MB21D2: variants seen among roughly 807,000 people sequenced by gnomAD.
MB21D2 encodes nucleotidyltransferase MB21D2.
MB21D2 carries 9 observed loss-of-function variants against 33.3 expected under a neutral mutation model. The ratio of observed to expected loss-of-function variants is 0.27; its 90% CI spans 0.16 to 0.47. The LOEUF is 0.47. MB21D2 is among the 20% of genes least tolerant of loss of function. The probability of loss-of-function intolerance (pLI) is 0.99; values close to 1 mark genes in which losing one functional copy is unlikely to be tolerated. For missense variants in MB21D2, 540 were observed against 624.6 expected (o/e 0.86, Z 1.44); for synonymous variants, 241 against 236.3 (o/e 1.02, Z -0.18).
chr3:192,905,070 A>G (rs1168470127), intron 1 of MB21D2, among the ~76,000 whole-genome samples: 1 of 152,198 alleles, frequency 6.6e-6, no homozygotes, highest in Non-Finnish European at 1.5e-5. Flanking sequence ...ATTAATCACA[A>G]CACAATCCGC....
chr3:192,862,373 G>A (rs1405256671), intron 1 of MB21D2, among the ~76,000 whole-genome samples: 5 of 152,138 alleles, frequency 3.3e-5, no homozygotes, highest in Non-Finnish European at 7.4e-5. Flanking sequence ...ATGTTCATTC[G>A]AATTGTAGAA....
rs367797905 is a variant in MB21D2, at chr3:192,798,669, C to T, written c.1193G>A (p.Arg398Gln). 4.2e-5 allele frequency: 67 copies of T among 1,613,360 alleles called. No individual in the cohort carries two copies. Among genetic ancestry groups the T allele is most frequent in the African/African-American group, 1.2e-4 (9 of 75,056 alleles). ...GTCTGAGCGCACAGAGGACAGCTTC[C>T]GGGCGTGAAGCATGACTGTCTCCTC... ...LSEETVMLHA[R>Q]KLSSVRSDPA... The change falls in exon 2 of 2, where the codon CGG becomes CAG. Residue 398 changes from arginine to glutamine, a missense_variant. Arg to Gln is a conservative substitution (Grantham distance 43). Coordinates refer to ENST00000392452, the MANE Select transcript of MB21D2 (RefSeq NM_178496.4). This position sits in a 1 kb window ranked among gnomAD's most constrained non-coding sequence, Gnocchi z 4.8.
chr3:192,860,058 A>G (rs1439915189), intron 1 of MB21D2, among the ~76,000 whole-genome samples: 1 of 152,236 alleles, frequency 6.6e-6, no homozygotes, highest in Non-Finnish European at 1.5e-5. Context: ...GTGTCCCCAA[A>G]ATTACAGGCC....
At chr3:192,886,730 C>G (rs186782141) in intron 1 of MB21D2, among the ~76,000 whole-genome samples, 7 of 152,188 alleles carry the variant, frequency 4.6e-5, no homozygotes, top group Admixed American at 3.3e-4. Flanking sequence ...CTAACCCTTA[C>G]GTTTTTGAAT....
At chr3:192,899,164 A>C (rs1002764112) in intron 1 of MB21D2, among the ~76,000 whole-genome samples, 2 of 152,216 alleles carry the variant, frequency 1.3e-5, no homozygotes, top group Admixed American at 1.3e-4. Context: ...GTAAAACGGA[A>C]GTGGTTATAG....
chr3:192,870,589 G>A (rs983094006), intron 1 of MB21D2, among the ~76,000 whole-genome samples: 1 of 151,632 alleles, frequency 6.6e-6, no homozygotes, highest in African/African-American at 2.4e-5. Context: ...GGACATGGTG[G>A]TGCAAGCCTG....
At chr3:192,849,497 T>C (rs1560238628) in intron 1 of MB21D2, among the ~76,000 whole-genome samples, 1 of 152,098 alleles carries the variant, frequency 6.6e-6, no homozygotes, top group Non-Finnish European at 1.5e-5. Flanking sequence ...TTTGTATTTT[T>C]AGTAGAGACA....
intron 1 of MB21D2, among the ~76,000 whole-genome samples, chr3:192,827,045 C>A (rs757194221): frequency 1.3e-5 from 2 of 152,070 alleles, no homozygotes; most frequent in Non-Finnish European, 2.9e-5. Context: ...TAGGTGCCCA[C>A]CACCACGTCC....
chr3:192,880,254 G>A (rs977507230), intron 1 of MB21D2, among the ~76,000 whole-genome samples: 3 of 151,996 alleles, frequency 2.0e-5, no homozygotes, highest in African/African-American at 7.3e-5. Context: ...GGCTGAGGCA[G>A]GAGAATCGCT....
chr3:192,857,013 G>C (rs1030103222), intron 1 of MB21D2, among the ~76,000 whole-genome samples: 7 of 152,002 alleles, frequency 4.6e-5, no homozygotes, highest in African/African-American at 1.7e-4. Context: ...ACATACTACA[G>C]CCAGCAAACA....
chr3:192,813,370 A>G (rs1420850760), intron 1 of MB21D2, among the ~76,000 whole-genome samples: 2 of 151,958 alleles, frequency 1.3e-5, no homozygotes, highest in African/African-American at 4.8e-5. Context: ...GTCAGAGGAA[A>G]CAGTCTTTGA....
chr3:192,865,945 T>TGAGGCGGGAGGATTGCTG (rs1440343412), intron 1 of MB21D2, among the ~76,000 whole-genome samples: 1 of 151,878 alleles, frequency 6.6e-6, no homozygotes, highest in Admixed American at 6.6e-5. Flanking sequence ...CTCTGGAAGC[T>TGAGGCGGGAGGATTGCTG]GAGGCGGGAG....
intron 1 of MB21D2, among the ~76,000 whole-genome samples, chr3:192,873,401 G>C (rs1211232830): frequency 1.3e-5 from 2 of 152,148 alleles, no homozygotes; most frequent in African/African-American, 2.4e-5. Flanking sequence ...AGGGTAAAGG[G>C]GATGAGGCTT....
At chr3:192,870,736 G>A (rs1005470140) in intron 1 of MB21D2, among the ~76,000 whole-genome samples, 2 of 139,106 alleles carry the variant, frequency 1.4e-5, no homozygotes, top group African/African-American at 5.8e-5. Context: ...AGAGAAGAAG[G>A]AAGGAAGGAA....
chr3:192,832,262 G>C (rs934293352), intron 1 of MB21D2, among the ~76,000 whole-genome samples: 2 of 152,098 alleles, frequency 1.3e-5, no homozygotes, highest in Non-Finnish European at 2.9e-5. Context: ...CACACTTACT[G>C]ATATTTTTTC....
intron 1 of MB21D2, among the ~76,000 whole-genome samples, chr3:192,860,802 CCA>C (rs1560241993): frequency 6.6e-6 from 1 of 152,178 alleles, no homozygotes; most frequent in African/African-American, 2.4e-5. Context: ...TGAAATAAAT[CCA>C]TAGACACCAC....
intron 1 of MB21D2, among the ~76,000 whole-genome samples, chr3:192,850,380 T>C (rs1712772671): frequency 6.6e-6 from 1 of 152,168 alleles, no homozygotes; most frequent in South Asian, 2.1e-4. Flanking sequence ...ACAGACTGTA[T>C]ACCTCTCAAG....
chr3:192,827,143 G>A (rs1223167853), intron 1 of MB21D2, among the ~76,000 whole-genome samples: 11 of 152,096 alleles, frequency 7.2e-5, no homozygotes, highest in East Asian at 1.9e-4. Context: ...TGATCCACCC[G>A]CCTCGGCCTC....
chr3:192,797,275 C>A lies in MB21D2; in HGVS notation c.*1111G>T, dbSNP rs968266113. On this transcript the variant is annotated 3_prime_UTR_variant, in exon 2 of 2. Transcript: ENST00000392452. ...ATTTGGGGATTATAAGTTCTTCCTG[C>A]CAGTTTTTCTCAAAACTCTCAGGAA... 1 of 152,574 alleles carries A rather than the reference C, an allele frequency of 6.6e-6. No individual in the cohort carries two copies. The highest frequency in any genetic ancestry group is 2.4e-5 in the African/African-American group (1 of 41,436). 9.5% of individuals were successfully genotyped at this position (152,574 alleles called of 1,614,324 possible). A position where few individuals can be genotyped will look rare whatever the true frequency, so the allele number is the denominator to read the frequency against.
Sources: gnomAD v4.1 joint callset for allele counts (sites outside exome capture counted in the v4.1 genomes callset) on GRCh38, gnomAD v4.1.1 for gene constraint, Gnocchi (gnomAD v3.1) non-coding constraint, MANE v1.5 for transcripts, NCBI Gene and HGNC (gene_info 2026-07-23, HGNC 2026-07-21) for gene names.